The following THTPA variants were observed in gnomAD, a reference collection of about 807,000 sequenced individuals.
The protein encoded by THTPA is thiamine triphosphatase, also known as thiamine-triphosphatase.
In THTPA, 16 loss-of-function variants were observed where a neutral mutation model predicts 16.5. That is an observed-to-expected ratio of 0.97 (90% CI 0.66 to 1.47). The LOEUF is 1.47. Among genes scored for constraint, THTPA ranks in the 40% most tolerant of loss-of-function variants. The probability of loss-of-function intolerance (pLI) is 0.00; values close to 1 mark genes in which losing one functional copy is unlikely to be tolerated. For synonymous variants in THTPA, 110 were observed against 115.5 expected (o/e 0.95, Z 0.30); for missense variants, 281 against 280.9 (o/e 1.00, Z 0.00).
the THTPA span, chr14:23,521,751 G>A: frequency 7.3e-6 from 6 of 825,870 alleles, no homozygotes; most frequent in African/African-American, 3.5e-5. Flanking sequence ...TGAGGAGGAG[G>A]ATCAATGTGT....
At chr14:23,525,971 G>T in the THTPA span, 1 of 1,508,812 alleles carries the variant, frequency 6.6e-7, no homozygotes. This position sits in a 1 kb window ranked among gnomAD's most constrained non-coding sequence, Gnocchi z 5.9. Flanking sequence ...TGGGGGAGGG[G>T]ACAGGAAAGG....
the THTPA span, among the ~76,000 whole-genome samples, chr14:23,519,465 G>A: frequency 1.3e-5 from 2 of 152,174 alleles, no homozygotes; most frequent in Admixed American, 6.5e-5. Flanking sequence ...AGGACAGGGA[G>A]AGAGGGGTAC....
the THTPA span, chr14:23,534,838 G>T: frequency 5.2e-6 from 8 of 1,536,060 alleles, no homozygotes; most frequent in East Asian, 1.2e-4. This position sits in a 1 kb window ranked among gnomAD's most constrained non-coding sequence, Gnocchi z 4.5. Flanking sequence ...GAGGTGTGAG[G>T]GGGGTGGGTA....
chr14:23,523,533 T>C, the THTPA span: 1 of 1,536,488 alleles, frequency 6.5e-7, no homozygotes, highest in Non-Finnish European at 8.7e-7. The surrounding 1 kb of genome is among the most constrained non-coding windows in gnomAD (Gnocchi z 4.1). Flanking sequence ...AGGCCCTCAC[T>C]GCTGCCCCCA....
the THTPA span, chr14:23,523,931 G>C: frequency 7.8e-6 from 12 of 1,536,116 alleles, no homozygotes; most frequent in South Asian, 1.3e-4. The surrounding 1 kb of genome is among the most constrained non-coding windows in gnomAD (Gnocchi z 4.1). Flanking sequence ...TTCCTCACTG[G>C]GTGGAGGGGG....
intron 1 of THTPA, 111 bp from the exon 2 acceptor site, chr14:23,558,584 C>A: frequency 7.2e-7 from 1 of 1,395,512 alleles, no homozygotes; most frequent in Non-Finnish European, 9.9e-7. Context: ...CATTCAGAAC[C>A]CCAGTGTGGC....
upstream of THTPA, among the ~76,000 whole-genome samples, chr14:23,553,838 G>A (rs540226685): frequency 2.9e-4 from 44 of 152,262 alleles, no homozygotes; most frequent in South Asian, 8.3e-3. Context: ...AGCTTGCAGT[G>A]AGCCGAGATG....
the THTPA span, chr14:23,512,771 T>C: frequency 6.6e-6 from 1 of 150,674 alleles, no homozygotes; most frequent in African/African-American, 2.4e-5. Flanking sequence ...TATATATATA[T>C]ATATTTTAAA....
the THTPA span, chr14:23,526,196 T>C: frequency 6.5e-7 from 1 of 1,536,426 alleles, no homozygotes; most frequent in Non-Finnish European, 8.7e-7. Flanking sequence ...GACTGTGCAC[T>C]TAAAGGGCTT....
the THTPA span, chr14:23,521,867 G>A: frequency 2.0e-6 from 3 of 1,499,218 alleles, no homozygotes; most frequent in African/African-American, 4.2e-5. Context: ...CGGGGCCAGG[G>A]GGTGGGGTGA....
In THTPA at chr14:23,558,948, C is replaced by T. The variant is rs1882909996; in HGVS notation, c.*108C>T. 13 of 1,345,826 alleles carry T rather than the reference C, an allele frequency of 9.7e-6. No individual in the cohort carries two copies. The highest frequency in any genetic ancestry group is 1.3e-5 in the Non-Finnish European group (13 of 985,172). The allele number at this position is 1,345,826 out of a possible 1,614,324, so 83.4% of individuals were successfully genotyped here. ...TCCCTTCTGACAGTGACTCCTCTCT[C>T]TCCAGCGCTGCCTGTTTCTTCCCCC... On this transcript the variant is annotated 3_prime_UTR_variant, in exon 2 of 2. Coordinates refer to ENST00000288014, the MANE Select transcript of THTPA (RefSeq NM_024328.6).
chr14:23,554,550 T>A (rs1036197055), upstream of THTPA, among the ~76,000 whole-genome samples: 11 of 80,924 alleles, frequency 1.4e-4, no homozygotes, highest in African/African-American at 7.7e-4. Context: ...CTAATTAAAA[T>A]TTTTTTTTTT....
chr14:23,541,539 G>A, the THTPA span, among the ~76,000 whole-genome samples: 4 of 151,908 alleles, frequency 2.6e-5, no homozygotes, highest in Non-Finnish European at 5.9e-5. Context: ...TGCCCACCTC[G>A]CCCTCCCAAA....
At chr14:23,524,596 G>A in the THTPA span, 2 of 1,536,132 alleles carry the variant, frequency 1.3e-6, no homozygotes, top group Admixed American at 2.0e-5. The surrounding 1 kb of genome is among the most constrained non-coding windows in gnomAD (Gnocchi z 5.6). Context: ...TGGTCAGGAG[G>A]TCCTGGCTGG....
At chr14:23,538,321 C>T in the THTPA span, among the ~76,000 whole-genome samples, 1 of 149,772 alleles carries the variant, frequency 6.7e-6, no homozygotes, top group Non-Finnish European at 1.5e-5. Flanking sequence ...CCTCCCCCAA[C>T]CCCAACTCCC....
In THTPA at chr14:23,556,546, T is replaced by A; in HGVS notation, c.-212T>A. 1 of 591,238 alleles carries A rather than the reference T, an allele frequency of 1.7e-6. No individual in the cohort carries two copies. The highest frequency in any genetic ancestry group is 2.2e-5 in the South Asian group (1 of 45,698). 36.6% of individuals were successfully genotyped at this position (591,238 alleles called of 1,614,324 possible). The stretch of plus-strand genomic sequence containing the variant: ...AGGGATTTTACTGGAGACCTGTCAC[T>A]GTCAGAGCCTTAAAATATCACCGAC... On this transcript the variant is annotated 5_prime_UTR_variant, in exon 1 of 2. Transcript: ENST00000288014.
At chr14:23,535,292 T>A in the THTPA span, 1 of 1,476,746 alleles carries the variant, frequency 6.8e-7, no homozygotes, top group East Asian at 2.5e-5. This position sits in a 1 kb window ranked among gnomAD's most constrained non-coding sequence, Gnocchi z 4.5. Flanking sequence ...GAGGGGGTGG[T>A]ACCAGTGGTA....
chr14:23,557,595 T>C (rs1595215830), intron 1 of THTPA, among the ~76,000 whole-genome samples: 1 of 152,216 alleles, frequency 6.6e-6, no homozygotes, highest in East Asian at 1.9e-4. Context: ...TACAGTTCTG[T>C]GAAATCTCGT....
the THTPA span, among the ~76,000 whole-genome samples, chr14:23,512,239 C>G: frequency 2.0e-5 from 3 of 152,064 alleles, no homozygotes; most frequent in Non-Finnish European, 2.9e-5. Context: ...GCAGAGGTTG[C>G]AGAAGGCATC....
Sources: allele counts gnomAD v4.1 joint callset (sites outside exome capture counted in the v4.1 genomes callset), GRCh38; gene constraint gnomAD v4.1.1; non-coding constraint Gnocchi (gnomAD v3.1); transcripts MANE v1.5; gene names NCBI Gene and HGNC (gene_info 2026-07-23, HGNC 2026-07-21).